TMEM232: variants seen among roughly 807,000 people sequenced by gnomAD.
TMEM232 encodes the protein transmembrane protein 232.
A neutral mutation model predicts 78.8 loss-of-function variants in TMEM232; 80 were observed. The ratio of observed to expected loss-of-function variants is 1.01; its 90% CI spans 0.85 to 1.22. The LOEUF is 1.22. Among genes scored for constraint, TMEM232 ranks in the 50% most tolerant of loss-of-function variants. The probability of loss-of-function intolerance (pLI) is 0.00; values close to 1 mark genes in which losing one functional copy is unlikely to be tolerated. For synonymous variants in TMEM232, 297 were observed against 254.3 expected (o/e 1.17, Z -1.60); for missense variants, 881 against 742.2 (o/e 1.19, Z -2.17).
chr5:110,696,994 A>T lies in TMEM232; in HGVS notation c.-12-29630T>A, dbSNP rs58978082. Among the ~76,000 whole-genome samples the T allele has an allele frequency of 6.1e-3, 929 of 152,318 alleles. 14 individuals carry two copies. The highest frequency in any genetic ancestry group is 0.021 in the African/African-American group (884 of 41,560). On this transcript the variant is annotated intron_variant, in intron 1 of 13. Transcript: ENST00000455884. ...GAAAAGAGCCCGCATTGCCAAGTCA[A>T]TTCTGAGCCAAAAGAACAAAGCTGG...
intron 12 of TMEM232, among the ~76,000 whole-genome samples, chr5:110,465,983 A>C (rs1430370079): frequency 6.6e-6 from 1 of 152,192 alleles, no homozygotes; most frequent in Non-Finnish European, 1.5e-5. Flanking sequence ...AATGAGTTGA[A>C]AAAAATGATC....
At chr5:110,501,470 A>C (rs1766254334) in intron 12 of TMEM232, among the ~76,000 whole-genome samples, 1 of 152,164 alleles carries the variant, frequency 6.6e-6, no homozygotes, top group African/African-American at 2.4e-5. Context: ...TAAAGAATAA[A>C]AACTTTTGAG....
chr5:110,459,867 G>T (rs1432476865), intron 12 of TMEM232, among the ~76,000 whole-genome samples: 1 of 152,098 alleles, frequency 6.6e-6, no homozygotes, highest in Non-Finnish European at 1.5e-5. Flanking sequence ...TGCTATTCTT[G>T]CTGACGTTAC....
chr5:110,669,646 C>T (rs1791096294), intron 1 of TMEM232, among the ~76,000 whole-genome samples: 1 of 152,118 alleles, frequency 6.6e-6, no homozygotes, highest in Admixed American at 6.6e-5. Flanking sequence ...CCAGCATCAT[C>T]CTGATACCAA....
At chr5:110,696,076 C>G (rs1415540852) in intron 1 of TMEM232, among the ~76,000 whole-genome samples, 2 of 152,146 alleles carry the variant, frequency 1.3e-5, no homozygotes, top group East Asian at 3.8e-4. Context: ...CAAACTGAAT[C>G]CAGCAGCACA....
intron 11 of TMEM232, among the ~76,000 whole-genome samples, chr5:110,529,582 G>T (rs139483580): frequency 1.2e-3 from 185 of 152,146 alleles, no homozygotes; most frequent in African/African-American, 4.2e-3. Context: ...AATTTTAAGT[G>T]AAAAGCAAAT....
In TMEM232 at chr5:110,537,291, AT is replaced by A. The variant is rs1377106617; in HGVS notation, c.1456-8457del. On this transcript the variant is annotated intron_variant, in intron 11 of 13. Coordinates refer to ENST00000455884, the MANE Select transcript of TMEM232 (RefSeq NM_001039763.4). ...AAAGAGAAAACTTATATATATATAT[AT>A]TTTTTTTTTTCTGCAATGCTGTTTG... is the stretch of plus-strand genomic sequence containing the variant. Among the ~76,000 whole-genome samples, 1,126 of 136,390 alleles carry A rather than the reference AT, an allele frequency of 8.3e-3. 7 individuals are homozygous for A. The highest frequency in any genetic ancestry group is 0.014 in the Admixed American group (196 of 14,146). 89.5% of individuals were successfully genotyped at this position (136,390 alleles called of 152,430 possible).
intron 6 of TMEM232, chr5:110,625,723 T>A (rs370814873): frequency 5.6e-6 from 1 of 178,762 alleles, no homozygotes; most frequent in Non-Finnish European, 1.2e-5. Context: ...AACTTCCAGA[T>A]GAAAATAAAT....
At chr5:110,517,006 C>T (rs1222881028) in intron 12 of TMEM232, among the ~76,000 whole-genome samples, 1 of 152,142 alleles carries the variant, frequency 6.6e-6, no homozygotes, top group African/African-American at 2.4e-5. Flanking sequence ...TGTTCTCTGC[C>T]CTTTTAAATG....
intron 1 of TMEM232, among the ~76,000 whole-genome samples, chr5:110,715,520 T>G (rs1045785303): frequency 2.0e-5 from 3 of 152,192 alleles, no homozygotes; most frequent in Non-Finnish European, 4.4e-5. Flanking sequence ...GTTAGGAAGC[T>G]TCTTGATATA....
chr5:110,677,891 C>G (rs1379213107), intron 1 of TMEM232, among the ~76,000 whole-genome samples: 1 of 151,994 alleles, frequency 6.6e-6, no homozygotes, highest in African/African-American at 2.4e-5. Flanking sequence ...AATACAGAAA[C>G]AGTGGAGAGA....
chr5:110,528,592 C>A lies in TMEM232; in HGVS notation c.1699G>T (p.Val567Leu). The change falls in exon 12 of 14, where the codon GTA becomes TTA. Residue 567 changes from valine (V) to leucine (L), a missense_variant. Transcript: ENST00000455884. ...ACCGATAGTACTTCTCTTTACCTTA[C>A]AGTGAAATGTAGAACTTGCTTTTTC... ...SVKKQVLHFT[V>L]REHPSVSEIP... is the part of the protein sequence containing the mutation. The A allele has an allele frequency of 2.0e-6, 3 of 1,528,364 alleles. No individual in the cohort carries two copies. The highest frequency in any genetic ancestry group is 2.6e-6 in the Non-Finnish European group (3 of 1,143,648). The allele number at this position is 1,528,364 out of a possible 1,614,324, so 94.7% of individuals were successfully genotyped here.
At chr5:110,600,234 A>G (rs977931491) in intron 10 of TMEM232, among the ~76,000 whole-genome samples, 2 of 152,188 alleles carry the variant, frequency 1.3e-5, no homozygotes, top group Admixed American at 1.3e-4. Flanking sequence ...TCAACACCCT[A>G]ACATCACAGT....
intron 10 of TMEM232, among the ~76,000 whole-genome samples, chr5:110,591,965 G>A (rs1194381174): frequency 1.3e-5 from 2 of 151,970 alleles, no homozygotes; most frequent in Admixed American, 6.6e-5. Context: ...CATTTTCTGT[G>A]GTCCTGTGGA....
At chr5:110,663,538 A>C (rs1790094411) in intron 2 of TMEM232, among the ~76,000 whole-genome samples, 1 of 152,102 alleles carries the variant, frequency 6.6e-6, no homozygotes, top group Non-Finnish European at 1.5e-5. Flanking sequence ...CATATGAAAA[A>C]AAACACTAAA....
At chr5:110,680,220 G>A (rs569819858) in intron 1 of TMEM232, among the ~76,000 whole-genome samples, 33 of 151,928 alleles carry the variant, frequency 2.2e-4, no homozygotes, top group Admixed American at 7.2e-4. Flanking sequence ...CCAACATGGT[G>A]AAACCCCTTC....
At chr5:110,671,971 C>A (rs1055002123) in intron 1 of TMEM232, among the ~76,000 whole-genome samples, 2 of 151,830 alleles carry the variant, frequency 1.3e-5, no homozygotes, top group African/African-American at 4.8e-5. Flanking sequence ...TAGAAATACT[C>A]TTAGATAAAT....
intron 1 of TMEM232, among the ~76,000 whole-genome samples, chr5:110,677,672 T>C (rs1226312559): frequency 6.6e-6 from 1 of 152,172 alleles, no homozygotes; most frequent in Non-Finnish European, 1.5e-5. Flanking sequence ...AAATATAATT[T>C]GTTTGGGTGT....
chr5:110,733,945 C>T (rs1167026323), intron 2 of TMEM232, among the ~76,000 whole-genome samples: 1 of 152,190 alleles, frequency 6.6e-6, no homozygotes, highest in East Asian at 1.9e-4. Flanking sequence ...ATTGCATTTA[C>T]TCAGATTATT....
Sources: allele counts gnomAD v4.1 joint callset (sites outside exome capture counted in the v4.1 genomes callset), GRCh38; gene constraint gnomAD v4.1.1; transcripts MANE v1.5; gene names NCBI Gene and HGNC (gene_info 2026-07-23, HGNC 2026-07-21).